Variants in CSNK1G3 observed in about 807,000 individuals in gnomAD.
CSNK1G3 encodes casein kinase I isoform gamma-3.
CSNK1G3 carries 23 observed loss-of-function variants against 64.3 expected under a neutral mutation model. The ratio of observed to expected loss-of-function variants is 0.36; its 90% CI spans 0.26 to 0.51. The LOEUF (loss-of-function observed/expected upper bound fraction) is 0.51, where lower values mean the gene tolerates loss of function less well. Among genes scored for constraint, CSNK1G3 ranks in the 20% least tolerant of loss-of-function variants. The pLI is 0.96. For missense variants in CSNK1G3, 357 were observed against 510.5 expected (o/e 0.70, Z 2.90); for synonymous variants, 158 against 162.2 (o/e 0.97, Z 0.20).
At position 123,584,635 on chromosome 5, in the gene CSNK1G3, C is replaced by G. The variant is rs78079925; in HGVS notation, c.674-3433C>G. Among the ~76,000 whole-genome samples the G allele has an allele frequency of 6.2e-3, 943 of 152,202 alleles. 15 individuals carry two copies. The highest frequency in any genetic ancestry group is 0.048 in the East Asian group (251 of 5,182). ...ACAGGGTAATGCAGTGAGTTGGGAA[C>G]TCTTCCAATCCTGGGTTTATGTAGA... is the stretch of plus-strand genomic sequence containing the variant. On this transcript the variant is annotated intron_variant, in intron 6 of 12. Coordinates refer to ENST00000345990, the Ensembl canonical transcript of CSNK1G3.
At chr5:123,596,670 T>C (rs1793502080) in intron 10 of CSNK1G3, among the ~76,000 whole-genome samples, 1 of 152,146 alleles carries the variant, frequency 6.6e-6, no homozygotes, top group South Asian at 2.1e-4. Flanking sequence ...GTTTGAACAT[T>C]GCTCGTTTCT....
intron 1 of CSNK1G3, among the ~76,000 whole-genome samples, chr5:123,533,677 A>G (rs183466134): frequency 4.0e-4 from 60 of 151,580 alleles, no homozygotes; most frequent in African/African-American, 1.4e-3. Flanking sequence ...TTAATGCAGC[A>G]TTATTTTCTT....
intron 6 of CSNK1G3, among the ~76,000 whole-genome samples, chr5:123,579,141 T>C (rs558345556): frequency 1.3e-5 from 2 of 152,040 alleles, no homozygotes; most frequent in African/African-American, 4.8e-5. Flanking sequence ...TCTCCCCAGC[T>C]TTAGCTACTC....
At chr5:123,589,226 T>C (rs1791896677) in intron 8 of CSNK1G3, among the ~76,000 whole-genome samples, 1 of 152,190 alleles carries the variant, frequency 6.6e-6, no homozygotes, top group Non-Finnish European at 1.5e-5. Context: ...CTGGCGTTAT[T>C]AATGTAATAA....
chr5:123,582,686 C>T (rs947949472), intron 6 of CSNK1G3, among the ~76,000 whole-genome samples: 2 of 152,110 alleles, frequency 1.3e-5, no homozygotes, highest in Non-Finnish European at 2.9e-5. Context: ...GAAAAACATT[C>T]GCTTTCAAAC....
At chr5:123,577,706 T>C (rs986385517) in intron 6 of CSNK1G3, among the ~76,000 whole-genome samples, 8 of 151,680 alleles carry the variant, frequency 5.3e-5, no homozygotes, top group African/African-American at 1.5e-4. Flanking sequence ...GTAATTCTTA[T>C]TTTATTGAAG....
chr5:123,520,844 A>G (rs1777970194), intron 1 of CSNK1G3, among the ~76,000 whole-genome samples: 1 of 151,972 alleles, frequency 6.6e-6, no homozygotes, highest in Non-Finnish European at 1.5e-5. Context: ...TATATTCAGA[A>G]TTTCCTTTAG....
intron 6 of CSNK1G3, among the ~76,000 whole-genome samples, chr5:123,579,578 T>C (rs1789857665): frequency 6.6e-6 from 1 of 151,996 alleles, no homozygotes; most frequent in Non-Finnish European, 1.5e-5. Context: ...TATTTTATTG[T>C]GAGACATGAA....
chr5:123,514,391 C>A (rs1776768989), intron 1 of CSNK1G3, among the ~76,000 whole-genome samples: 1 of 152,156 alleles, frequency 6.6e-6, no homozygotes. Flanking sequence ...GCATTTATTA[C>A]TTCCTTGAAA....
At chr5:123,532,929 G>A (rs1207579238) in intron 1 of CSNK1G3, among the ~76,000 whole-genome samples, 2 of 151,754 alleles carry the variant, frequency 1.3e-5, no homozygotes, top group East Asian at 1.9e-4. Flanking sequence ...AATGCTTCAG[G>A]TGGTTACTTT....
chr5:123,593,212 C>T (rs1308705456), intron 10 of CSNK1G3, among the ~76,000 whole-genome samples: 1 of 151,232 alleles, frequency 6.6e-6, no homozygotes, highest in Non-Finnish European at 1.5e-5. Context: ...TACACACACA[C>T]ACACACACAC....
At chr5:123,534,900 G>T (rs1780542157) in intron 1 of CSNK1G3, among the ~76,000 whole-genome samples, 1 of 152,106 alleles carries the variant, frequency 6.6e-6, no homozygotes, top group South Asian at 2.1e-4. Flanking sequence ...TCATGTCCAA[G>T]TGTGTTGTGT....
At chr5:123,583,018 T>C (rs575160864) in intron 6 of CSNK1G3, among the ~76,000 whole-genome samples, 18 of 152,332 alleles carry the variant, frequency 1.2e-4, no homozygotes, top group African/African-American at 4.3e-4. Flanking sequence ...TTGTGGGTTA[T>C]GAGACTAATA....
intron 1 of CSNK1G3, among the ~76,000 whole-genome samples, chr5:123,526,244 C>G (rs1248620970): frequency 6.6e-6 from 1 of 151,572 alleles, no homozygotes; most frequent in African/African-American, 2.4e-5. Context: ...TTTTTGTAGA[C>G]ACAGGGTCTT....
At chr5:123,535,482 AG>A (rs1480840332) in intron 1 of CSNK1G3, among the ~76,000 whole-genome samples, 1 of 152,132 alleles carries the variant, frequency 6.6e-6, no homozygotes, top group African/African-American at 2.4e-5. Context: ...GTGCTATGGT[AG>A]GGAAAATACT....
intron 10 of CSNK1G3, among the ~76,000 whole-genome samples, chr5:123,598,406 G>C (rs1793832842): frequency 6.6e-6 from 1 of 152,154 alleles, no homozygotes; most frequent in Admixed American, 6.5e-5. Flanking sequence ...GGAGGCTGAT[G>C]AACAGGCAGG....
At chr5:123,535,613 C>T (rs1395391294) in intron 1 of CSNK1G3, among the ~76,000 whole-genome samples, 2 of 152,168 alleles carry the variant, frequency 1.3e-5, no homozygotes, top group East Asian at 1.9e-4. Flanking sequence ...CCTGAATGTA[C>T]TAAACTAGAT....
intron 12 of CSNK1G3, among the ~76,000 whole-genome samples, chr5:123,608,830 T>C (rs1795814835): frequency 6.6e-6 from 1 of 152,192 alleles, no homozygotes; most frequent in South Asian, 2.1e-4. Context: ...AAGGTGACTC[T>C]AAGGAGCAGC....
At chr5:123,593,137 G>T (rs1029204694) in intron 10 of CSNK1G3, among the ~76,000 whole-genome samples, 4 of 151,016 alleles carry the variant, frequency 2.6e-5, no homozygotes, top group Non-Finnish European at 4.4e-5. Flanking sequence ...GCTCACTGAG[G>T]GTAGGAACCA....
Sources: allele counts gnomAD v4.1 joint callset (sites outside exome capture counted in the v4.1 genomes callset), GRCh38; gene constraint gnomAD v4.1.1; transcripts MANE v1.5; gene names NCBI Gene and HGNC (gene_info 2026-07-23, HGNC 2026-07-21).